KLF12: variants seen among roughly 807,000 people sequenced by gnomAD.
KLF12 encodes Krueppel-like factor 12.
KLF12 carries 9 observed loss-of-function variants against 37.8 expected under a neutral mutation model. The ratio of observed to expected loss-of-function variants is 0.24; its 90% confidence interval spans 0.14 to 0.42. KLF12 has a LOEUF of 0.42. KLF12 is among the 10% of genes least tolerant of loss of function. The pLI is 1.00. For synonymous variants in KLF12, 208 were observed against 202.1 expected (o/e 1.03, Z -0.25); for missense variants, 411 against 516.0 (o/e 0.80, Z 1.97).
intron 1 of KLF12, among the ~76,000 whole-genome samples, chr13:74,003,640 C>A (rs775808234): frequency 6.6e-6 from 1 of 152,046 alleles, no homozygotes. Flanking sequence ...ATGTTCCACA[C>A]GATTCTTGAT....
intron 3 of KLF12, among the ~76,000 whole-genome samples, chr13:73,860,317 AT>A (rs1265088276): frequency 1.3e-5 from 2 of 152,090 alleles, no homozygotes; most frequent in Non-Finnish European, 2.9e-5. Context: ...CAAAGATATC[AT>A]TTTTATCTTG....
chr13:73,933,873 CCT>C (rs1889799576), intron 3 of KLF12, among the ~76,000 whole-genome samples: 1 of 151,700 alleles, frequency 6.6e-6, no homozygotes, highest in Admixed American at 6.6e-5. Context: ...TAAAATTTAC[CCT>C]CTTAACCATT....
At position 73,862,708 on chromosome 13, in the gene KLF12, A is replaced by G. The variant is rs573239194; in HGVS notation, c.124-16335T>C. ...TTTCCTTTATTGGTTTTCCTTATAA[A>G]ATCTCTAAGAAAACAACAACTGTAC... On this transcript the variant is annotated intron_variant, in intron 3 of 7. Transcript: ENST00000377669. 7.4e-4 allele frequency among the ~76,000 whole-genome samples: 113 copies of G among 152,332 alleles called. 1 individual carries two copies. The highest frequency in any genetic ancestry group is 1.3e-3 in the Non-Finnish European group (91 of 68,004).
chr13:73,738,110 T>TATGTGTAC (rs1566331202), intron 6 of KLF12, among the ~76,000 whole-genome samples: 4 of 90,476 alleles, frequency 4.4e-5, no homozygotes, highest in African/African-American at 1.8e-4. Context: ...TATATATATA[T>TATGTGTAC]ATATATATAT....
chr13:73,707,001 A>C (rs979506869), intron 7 of KLF12, among the ~76,000 whole-genome samples: 4 of 152,228 alleles, frequency 2.6e-5, no homozygotes, highest in African/African-American at 9.6e-5. Context: ...AACAGATTAA[A>C]GTCTCTTGCT....
chr13:74,124,495 C>A (rs1042558554), intron 1 of KLF12, among the ~76,000 whole-genome samples: 3 of 152,032 alleles, frequency 2.0e-5, no homozygotes, highest in Admixed American at 2.0e-4. Flanking sequence ...AGTTAAAATT[C>A]CGATCATTTA....
rs981818917 is a variant in KLF12 at position 73,690,268 on chromosome 13, T to C, written c.*5222A>G. ...TCAGCATTTAATTTATTTCTGAAAA[T>C]GGGCATTAGCTTATTCCTATTGCGA... On this transcript the variant is annotated 3_prime_UTR_variant, in exon 8 of 8. Coordinates refer to ENST00000377669, the MANE Select transcript of KLF12 (RefSeq NM_007249.5). The C allele has an allele frequency of 6.6e-6, 1 of 152,628 alleles. No individual in the cohort carries two copies. The highest frequency in any genetic ancestry group is 1.5e-5 in the Non-Finnish European group (1 of 68,026). The allele number at this position is 152,628 out of a possible 1,614,324, so 9.5% of individuals were successfully genotyped here. A position where few individuals can be genotyped will look rare whatever the true frequency, so the allele number is the denominator to read the frequency against.
At chr13:74,089,455 A>T (rs1875517344) in intron 1 of KLF12, among the ~76,000 whole-genome samples, 1 of 152,184 alleles carries the variant, frequency 6.6e-6, no homozygotes, top group Non-Finnish European at 1.5e-5. Context: ...AATTCCACAG[A>T]TAACCTAATT....
intron 7 of KLF12, among the ~76,000 whole-genome samples, chr13:73,701,262 C>T (rs1477010636): frequency 5.3e-5 from 8 of 152,170 alleles, no homozygotes; most frequent in African/African-American, 1.9e-4. Context: ...AACTTGATTT[C>T]TATTAATTTC....
intron 4 of KLF12, among the ~76,000 whole-genome samples, chr13:73,832,727 A>G (rs1011294490): frequency 4.6e-5 from 7 of 152,234 alleles, no homozygotes; most frequent in African/African-American, 1.4e-4. Context: ...TCACAGAGAG[A>G]TATTTAACTC....
chr13:74,256,462 A>C, the KLF12 span, among the ~76,000 whole-genome samples: 1 of 151,798 alleles, frequency 6.6e-6, no homozygotes, highest in Non-Finnish European at 1.5e-5. Flanking sequence ...TCTGGGTGGG[A>C]CTGTATTAGG....
At chr13:73,889,751 T>A (rs1887413471) in intron 3 of KLF12, among the ~76,000 whole-genome samples, 1 of 152,028 alleles carries the variant, frequency 6.6e-6, no homozygotes, top group South Asian at 2.1e-4. Flanking sequence ...GAGTAAAAAA[T>A]TTAGAAAAGT....
intron 2 of KLF12, among the ~76,000 whole-genome samples, chr13:73,981,878 T>C (rs1055621570): frequency 3.9e-5 from 6 of 152,184 alleles, no homozygotes; most frequent in Admixed American, 3.9e-4. Flanking sequence ...TTCTAGTATT[T>C]ATAAATTACT....
intron 4 of KLF12, among the ~76,000 whole-genome samples, chr13:73,839,907 T>C (rs189289593): frequency 6.6e-6 from 1 of 152,310 alleles, no homozygotes; most frequent in Admixed American, 6.5e-5. Flanking sequence ...CTCCTTCTTT[T>C]AAAACCCCTC....
chr13:73,958,307 G>A (rs942379628), intron 2 of KLF12, among the ~76,000 whole-genome samples: 3 of 151,456 alleles, frequency 2.0e-5, no homozygotes, highest in East Asian at 3.9e-4. Flanking sequence ...GCAGTGGTGC[G>A]ATCTCGGCTC....
At chr13:73,993,629 A>G (rs1892030198) in intron 2 of KLF12, among the ~76,000 whole-genome samples, 2 of 152,334 alleles carry the variant, frequency 1.3e-5, no homozygotes, top group East Asian at 3.9e-4. Context: ...CATAGAGAAA[A>G]GTAAATTTAC....
intron 4 of KLF12, among the ~76,000 whole-genome samples, chr13:73,843,411 G>A (rs1884848781): frequency 6.6e-6 from 1 of 151,840 alleles, no homozygotes; most frequent in African/African-American, 2.4e-5. Flanking sequence ...TTTAAGCGAT[G>A]ATTCTCCTGC....
chr13:73,695,900 A>AGTG (rs1874111681), intron 7 of KLF12, among the ~76,000 whole-genome samples: 1 of 152,190 alleles, frequency 6.6e-6, no homozygotes, highest in Non-Finnish European at 1.5e-5. Context: ...GGTGTCCTCC[A>AGTG]TTATGACTTT....
At chr13:73,964,893 A>G (rs1402185992) in intron 2 of KLF12, among the ~76,000 whole-genome samples, 1 of 152,210 alleles carries the variant, frequency 6.6e-6, no homozygotes, top group East Asian at 1.9e-4. Context: ...TAAGGTTGAT[A>G]TGAACCTAGC....
Sources: gnomAD v4.1 joint callset for allele counts (sites outside exome capture counted in the v4.1 genomes callset) on GRCh38, gnomAD v4.1.1 for gene constraint, MANE v1.5 for transcripts, NCBI Gene and HGNC (gene_info 2026-07-23, HGNC 2026-07-21) for gene names.